Variants in HBS1L observed in about 807,000 individuals in gnomAD.
The protein encoded by HBS1L is HBS1-like protein.
In HBS1L, 55 loss-of-function variants were observed where a neutral mutation model predicts 88.9. That is an observed-to-expected ratio of 0.62 (90% CI 0.50 to 0.77). HBS1L has a LOEUF of 0.77. HBS1L is among the 30% of genes least tolerant of loss of function. The pLI is 0.00. For missense variants in HBS1L, 741 were observed against 829.3 expected (o/e 0.89, Z 1.31); for synonymous variants, 267 against 288.5 (o/e 0.93, Z 0.76).
chr6:135,030,195 AAC>A (rs1776344659), intron 4 of HBS1L, among the ~76,000 whole-genome samples: 1 of 152,226 alleles, frequency 6.6e-6, no homozygotes, highest in Non-Finnish European at 1.5e-5. Flanking sequence ...ATATACAACA[AAC>A]ACAGAGGATA....
chr6:135,039,708 CAT>C lies in HBS1L; in HGVS notation c.293_294del (p.Asp98GlyfsTer5). 6.2e-7 allele frequency: 1 copy of C among 1,614,018 alleles called. No homozygotes were observed. On this transcript the variant is annotated frameshift_variant, in exon 4 of 18. Transcript: ENST00000367837. LOFTEE classifies it high-confidence loss of function. ...MREVLGDAVP[D>X]EILIEAVLKN... Reference sequence around the variant, plus strand: ...TTCAGAACTGCTTCAATTAATATTTCATCTGGCACAGCATCTCCAAGTACCTC... The same window carrying C: ...TTCAGAACTGCTTCAATTAATATTTCCTGGCACAGCATCTCCAAGTACCTC...
At chr6:135,036,718 G>A (rs1298191323) in intron 4 of HBS1L, 1 of 1,551,234 alleles carries the variant, frequency 6.4e-7, no homozygotes, top group Admixed American at 2.0e-5. Context: ...GAGGTCAAGG[G>A]TGCGTCGCTT....
intron 1 of HBS1L, 127 bp downstream of exon 1, chr6:135,054,522 A>G (rs1261182131): frequency 1.9e-6 from 2 of 1,072,324 alleles, no homozygotes; most frequent in Non-Finnish European, 2.8e-6. Context: ...ATATTCCCCA[A>G]CTGGGGCTCT....
At chr6:135,018,534 T>C (rs1207653793) in intron 4 of HBS1L, among the ~76,000 whole-genome samples, 3 of 151,976 alleles carry the variant, frequency 2.0e-5, no homozygotes, top group Admixed American at 6.5e-5. Flanking sequence ...TACGTTGAGG[T>C]AGTATATGCA....
intron 16 of HBS1L, 64 bp downstream of exon 16, chr6:134,969,174 T>G: frequency 1.3e-5 from 13 of 1,023,014 alleles, no homozygotes; most frequent in Non-Finnish European, 1.9e-5. Context: ...ACTACACAAA[T>G]GAGTTAATCT....
At chr6:135,043,334 A>G (rs1027889947) in intron 2 of HBS1L, among the ~76,000 whole-genome samples, 4 of 152,234 alleles carry the variant, frequency 2.6e-5, no homozygotes, top group Non-Finnish European at 5.9e-5. Context: ...TTTCTATAAG[A>G]GCACAAAACA....
chr6:134,997,438 T>C lies in HBS1L; in HGVS notation c.758A>G (p.Lys253Arg). ...GAGTAGCTGCTTCCCTCCTTGCCGC[T>C]TCTCCAGTTCCGCCTTCACATCTAT... The part of the protein sequence containing the change: ...QQIDVKAELE[K>R]RQGGKQLLNL... The change falls in exon 6 of 18, where the codon AAG becomes AGG. Residue 253 changes from lysine to arginine, a missense_variant. Coordinates refer to ENST00000367837, the MANE Select transcript of HBS1L (RefSeq NM_006620.4). 6.2e-7 allele frequency: 1 copy of C among 1,614,058 alleles called. No homozygotes were observed. Among genetic ancestry groups the C allele is most frequent in the East Asian group, 2.2e-5 (1 of 44,870 alleles).
At chr6:134,968,963 T>C (rs569945694) in intron 16 of HBS1L, among the ~76,000 whole-genome samples, 1 of 152,194 alleles carries the variant, frequency 6.6e-6, no homozygotes, top group Non-Finnish European at 1.5e-5. Context: ...GCTTGAAATG[T>C]ACATACATAT....
chr6:134,999,448 C>CTTTTTTTTTT (rs35807723), intron 5 of HBS1L, among the ~76,000 whole-genome samples: 1 of 124,776 alleles, frequency 8.0e-6, no homozygotes, highest in Non-Finnish European at 1.6e-5. Flanking sequence ...TTTTTCTTTT[C>CTTTTTTTTTT]TTTTTTTTTT....
intron 4 of HBS1L, among the ~76,000 whole-genome samples, chr6:135,030,776 G>A (rs1371360860): frequency 2.6e-5 from 4 of 152,016 alleles, no homozygotes; most frequent in African/African-American, 9.7e-5. Context: ...AAGAGTAGTG[G>A]GCCAAAAAAT....
chr6:134,987,577 T>C, intron 9 of HBS1L, 68 bp downstream of exon 9: 1 of 1,199,728 alleles, frequency 8.3e-7, no homozygotes, highest in Non-Finnish European at 1.1e-6. Context: ...CACATCTAAG[T>C]CATCTATACA....
intron 2 of HBS1L, among the ~76,000 whole-genome samples, chr6:135,047,358 C>G (rs1438733355): frequency 1.3e-5 from 2 of 152,200 alleles, no homozygotes; most frequent in African/African-American, 4.8e-5. Context: ...CACGCTTATA[C>G]AAAGCCATAT....
At chr6:134,990,755 T>C (rs1170242427) in intron 8 of HBS1L, among the ~76,000 whole-genome samples, 1 of 152,202 alleles carries the variant, frequency 6.6e-6, no homozygotes, top group Non-Finnish European at 1.5e-5. Context: ...TTTTGCCATG[T>C]TGCCCAGGCT....
intron 13 of HBS1L, among the ~76,000 whole-genome samples, chr6:134,981,675 A>T (rs1477517692): frequency 3.3e-5 from 5 of 151,914 alleles, no homozygotes; most frequent in African/African-American, 4.8e-5. Flanking sequence ...GTTACAAATA[A>T]TATTATTTTA....
At position 134,998,447 on chromosome 6, in the gene HBS1L, C is replaced by T. The variant is rs77208694; in HGVS notation, c.540-791G>A. 3.9e-5 allele frequency among the ~76,000 whole-genome samples: 6 copies of T among 152,250 alleles called. No homozygotes were observed. The East Asian group carries it at 1.2e-3, about 29-fold the overall frequency. ...CTCTGAATAGCTATAAGGAATGTGA[C>T]CTAATAATCAGACTATGATATGCCT... On this transcript the variant is annotated intron_variant, in intron 5 of 17. Transcript: ENST00000367837.
rs371695459 is a variant in HBS1L at position 135,038,169 on chromosome 6, G to C, written c.430+1404C>G. ...TTATGACATGAATAAAGTGATACTTGATCATTACTTAACATGAATACTCTA... is the reference window on the plus strand; with the variant it reads ...TTATGACATGAATAAAGTGATACTTCATCATTACTTAACATGAATACTCTA... On this transcript the variant is annotated intron_variant, in intron 4 of 17. Coordinates refer to ENST00000367837, the MANE Select transcript of HBS1L (RefSeq NM_006620.4). 6 of 630,762 alleles carry C rather than the reference G, an allele frequency of 9.5e-6. No homozygotes were observed. In the East Asian group the frequency reaches 1.7e-4, roughly 18 times the overall value. 39.1% of individuals were successfully genotyped at this position (630,762 alleles called of 1,614,324 possible). A position where few individuals can be genotyped will look rare whatever the true frequency, so the allele number is the denominator to read the frequency against.
At position 135,039,567 on chromosome 6, in the gene HBS1L, G is replaced by A; in HGVS notation, c.430+6C>T. 6.2e-7 allele frequency: 1 copy of A among 1,610,368 alleles called. No individual in the cohort carries two copies. The highest frequency in any genetic ancestry group is 8.5e-7 in the Non-Finnish European group (1 of 1,177,470). ...AACAAGTGAAAAAGAACAAGTAAAG[G>A]CATACCTTTTGCTATCTTTCCTGTA... is the stretch of plus-strand genomic sequence containing the variant. On this transcript the variant is annotated splice_donor_region_variant and intron_variant, in intron 4 of 17. Transcript: ENST00000367837.
At chr6:134,981,040 T>C (rs1774815995) in intron 13 of HBS1L, among the ~76,000 whole-genome samples, 2 of 151,944 alleles carry the variant, frequency 1.3e-5, no homozygotes, top group South Asian at 4.1e-4. Context: ...TTAGAGTTTC[T>C]CTGTGTGGAA....
rs1430715899 is a variant in HBS1L at position 135,037,206 on chromosome 6, T to C, written c.430+2367A>G. On this transcript the variant is annotated intron_variant, in intron 4 of 17. Coordinates refer to ENST00000367837, the MANE Select transcript of HBS1L (RefSeq NM_006620.4). ...GTGAAGACTGACAGCGATTTGCTAA[T>C]TGTGACAGGGGAAAGGATCCCAAAC... The C allele has an allele frequency of 2.6e-6, 4 of 1,551,712 alleles. No individual in the cohort carries two copies. The African/African-American group carries it at 4.1e-5, about 16-fold the overall frequency.
Sources: gnomAD v4.1 joint callset for allele counts (sites outside exome capture counted in the v4.1 genomes callset) on GRCh38, gnomAD v4.1.1 for gene constraint, MANE v1.5 for transcripts, NCBI Gene and HGNC (gene_info 2026-07-23, HGNC 2026-07-21) for gene names.